The following NTNG2 variants were observed in gnomAD, a reference collection of about 807,000 sequenced individuals.
The protein encoded by NTNG2 is netrin G2.
In NTNG2, 15 loss-of-function variants were observed where a neutral mutation model predicts 47.6. The ratio of observed to expected loss-of-function variants is 0.32; its 90% CI spans 0.21 to 0.49. NTNG2 has a LOEUF of 0.49. Ranked by LOEUF, NTNG2 falls within the 20% of genes least tolerant of loss-of-function variation. NTNG2 has a pLI of 0.99. For synonymous variants in NTNG2, 307 were observed against 324.6 expected (o/e 0.95, Z 0.58); for missense variants, 578 against 764.6 (o/e 0.76, Z 2.88).
chr9:132,220,174 T>A lies in NTNG2; in HGVS notation c.858-6675T>A, dbSNP rs1046320482. Reference sequence around the variant, plus strand: ...GTCTGTGCTGATCCTTTCCTCATTTTAAAAACTGGATTATTTGTCATTTTA... The same window carrying A: ...GTCTGTGCTGATCCTTTCCTCATTTAAAAAACTGGATTATTTGTCATTTTA... On this transcript the variant is annotated intron_variant, in intron 3 of 7. Transcript: ENST00000393229. Among the ~76,000 whole-genome samples the A allele has an allele frequency of 8.5e-4, 129 of 152,262 alleles. 2 individuals are homozygous for A. Among genetic ancestry groups the A allele is most frequent in the Admixed American group, 2.0e-4 (3 of 15,284 alleles).
chr9:132,214,198 C>T (rs1264861704), intron 3 of NTNG2, among the ~76,000 whole-genome samples: 6 of 152,246 alleles, frequency 3.9e-5, no homozygotes, highest in Non-Finnish European at 5.9e-5. Flanking sequence ...GACCTACATT[C>T]CACCCGCCCT....
chr9:132,234,748 C>T (rs549001473), intron 5 of NTNG2, among the ~76,000 whole-genome samples: 21 of 152,396 alleles, frequency 1.4e-4, no homozygotes, highest in African/African-American at 4.6e-4. Context: ...CTGGCTTTCT[C>T]ATGGCTCTAA....
At chr9:132,178,051 G>C (rs909703591) in intron 2 of NTNG2, among the ~76,000 whole-genome samples, 3 of 152,170 alleles carry the variant, frequency 2.0e-5, no homozygotes, top group African/African-American at 7.2e-5. Context: ...TTACTCTCCT[G>C]TTGTGCCCAT....
At position 132,163,076 on chromosome 9, in the gene NTNG2, T is replaced by C. The variant is rs955686056; in HGVS notation, c.-484+837T>C. Among the ~76,000 whole-genome samples the C allele has an allele frequency of 2.0e-5, 3 of 152,134 alleles. No homozygotes were observed. The highest frequency in any genetic ancestry group is 7.2e-5 in the African/African-American group (3 of 41,434). ...CAGTTCCTGGGCGCCCTGCTCTGTG[T>C]CTTTTAATTAAGAGAGGCAGTGCCG... On this transcript the variant is annotated intron_variant, in intron 1 of 7. Coordinates refer to ENST00000393229, the MANE Select transcript of NTNG2 (RefSeq NM_032536.4). This position sits in a 1 kb window ranked among gnomAD's most constrained non-coding sequence, Gnocchi z 7.2.
At chr9:132,195,529 G>T (rs1838237931) in intron 2 of NTNG2, among the ~76,000 whole-genome samples, 1 of 129,612 alleles carries the variant, frequency 7.7e-6, no homozygotes, top group South Asian at 2.4e-4. Context: ...GGGTTTCACT[G>T]TGTTAGCCAG....
At chr9:132,203,979 A>G (rs1029067829) in intron 3 of NTNG2, among the ~76,000 whole-genome samples, 1 of 152,218 alleles carries the variant, frequency 6.6e-6, no homozygotes, top group Non-Finnish European at 1.5e-5. Flanking sequence ...GAGATGATGA[A>G]GGGAGGTCCT....
At chr9:132,189,064 C>CTTTTTTTTTTTTTTTT (rs1179386814) in intron 2 of NTNG2, among the ~76,000 whole-genome samples, 9 of 61,750 alleles carry the variant, frequency 1.5e-4, no homozygotes, top group South Asian at 9.6e-4. Context: ...GGCTTTAAGC[C>CTTTTTTTTTTTTTTTT]TTTCTTTTTT....
At position 132,226,768 on chromosome 9, in the gene NTNG2, G is replaced by T. The variant is rs1271892002; in HGVS notation, c.858-81G>T. ...CCCAACACCCTCCTGGGCCCCTCCT[G>T]GGAGGCGCTCCTTTCCCCAGAGGCC... On this transcript the variant is annotated intron_variant, in intron 3 of 7. Coordinates refer to ENST00000393229, the MANE Select transcript of NTNG2 (RefSeq NM_032536.4). The surrounding 1 kb of genome is among the most constrained non-coding windows in gnomAD (Gnocchi z 4.8). 8 of 1,319,290 alleles carry T rather than the reference G, an allele frequency of 6.1e-6. No homozygotes were observed. In the East Asian group the frequency reaches 1.9e-4, roughly 31 times the overall value. The allele number at this position is 1,319,290 out of a possible 1,614,324, so 81.7% of individuals were successfully genotyped here. A position where few individuals can be genotyped will look rare whatever the true frequency, so the allele number is the denominator to read the frequency against.
At position 132,180,305 on chromosome 9, in the gene NTNG2, C is replaced by G. The variant is rs570581480; in HGVS notation, c.213+13261C>G. ...GAGCCCACGGTGCTCCTGCCCTCCA[C>G]CAAGGCAGGCCATCCTCTGCTGCCA... is the stretch of plus-strand genomic sequence containing the variant. On this transcript the variant is annotated intron_variant, in intron 2 of 7. Transcript: ENST00000393229. The surrounding 1 kb of genome is among the most constrained non-coding windows in gnomAD (Gnocchi z 4.2). 3.9e-5 allele frequency among the ~76,000 whole-genome samples: 6 copies of G among 152,384 alleles called. No homozygotes were observed. In the East Asian group the frequency reaches 1.2e-3, roughly 29 times the overall value.
chr9:132,182,782 C>T lies in NTNG2; in HGVS notation c.214-15184C>T, dbSNP rs1837045275. ...CAAGCCCAGCGGGCAGCTATGACCC[C>T]ACCAGGAGCGGAGCGGGCAGGGACC... On this transcript the variant is annotated intron_variant, in intron 2 of 7. Coordinates refer to ENST00000393229, the MANE Select transcript of NTNG2 (RefSeq NM_032536.4). The surrounding 1 kb of genome is among the most constrained non-coding windows in gnomAD (Gnocchi z 4.2). 6.6e-6 allele frequency among the ~76,000 whole-genome samples: 1 copy of T among 152,226 alleles called. No homozygotes were observed. Among genetic ancestry groups the T allele is most frequent in the Non-Finnish European group, 1.5e-5 (1 of 68,036 alleles).
At chr9:132,193,701 G>A (rs569808131) in intron 2 of NTNG2, among the ~76,000 whole-genome samples, 2 of 152,196 alleles carry the variant, frequency 1.3e-5, no homozygotes, top group African/African-American at 4.8e-5. Flanking sequence ...CATTCCTCCC[G>A]GCCTGTTCCC....
At chr9:132,184,532 A>G (rs990337201) in intron 2 of NTNG2, among the ~76,000 whole-genome samples, 13 of 152,224 alleles carry the variant, frequency 8.5e-5, no homozygotes, top group Non-Finnish European at 1.8e-4. Context: ...ACACCTGCCA[A>G]AGGCTGGAGG....
At chr9:132,230,467 C>A in intron 4 of NTNG2, 105 bp from the exon 5 acceptor site, 1 of 1,020,554 alleles carries the variant, frequency 9.8e-7, no homozygotes, top group Non-Finnish European at 1.5e-6. Flanking sequence ...CTTGAGGGAG[C>A]GACACCTCCA....
chr9:132,214,275 C>T (rs912672332), intron 3 of NTNG2, among the ~76,000 whole-genome samples: 7 of 152,242 alleles, frequency 4.6e-5, no homozygotes, highest in Admixed American at 2.6e-4. Context: ...GCCCCGCTCA[C>T]GATTTTTGTG....
chr9:132,225,391 C>A (rs1840682834), intron 3 of NTNG2, among the ~76,000 whole-genome samples: 1 of 152,150 alleles, frequency 6.6e-6, no homozygotes, highest in South Asian at 2.1e-4. Context: ...CTGCCCTAGC[C>A]TCTTGAGTAG....
chr9:132,235,616 C>T (rs192147659), intron 5 of NTNG2, among the ~76,000 whole-genome samples: 123 of 152,278 alleles, frequency 8.1e-4, no homozygotes, highest in South Asian at 1.7e-3. Context: ...ACCACCCCCT[C>T]GCATAACTTG....
rs145900539 is a variant in NTNG2, at chr9:132,180,687, GGAGAGA to G, written c.213+13650_213+13655del. 6.6e-6 allele frequency among the ~76,000 whole-genome samples: 1 copy of G among 152,138 alleles called. No individual in the cohort carries two copies. The highest frequency in any genetic ancestry group is 1.5e-5 in the Non-Finnish European group (1 of 68,032). On this transcript the variant is annotated intron_variant, in intron 2 of 7. Transcript: ENST00000393229. The surrounding 1 kb of genome is among the most constrained non-coding windows in gnomAD (Gnocchi z 4.2). ...CCCCCAGATTCTGCTTCAGGGAGACGGAGAGAGAGAGAAAGAGAAAGAACGATAGAG... is the reference window on the plus strand; with the variant it reads ...CCCCCAGATTCTGCTTCAGGGAGACGGAGAGAAAGAGAAAGAACGATAGAG...
chr9:132,232,075 C>T (rs990371604), intron 5 of NTNG2: 1 of 152,312 alleles, frequency 6.6e-6, no homozygotes, highest in African/African-American at 2.4e-5. Context: ...GAAGGGCTCC[C>T]AGACCATTGT....
chr9:132,235,675 C>A (rs986676528), intron 5 of NTNG2, among the ~76,000 whole-genome samples: 17 of 152,190 alleles, frequency 1.1e-4, no homozygotes, highest in African/African-American at 4.1e-4. Context: ...TCTACGGCTG[C>A]CCCTCTCTCG....
Sources: allele counts gnomAD v4.1 joint callset (sites outside exome capture counted in the v4.1 genomes callset), GRCh38; gene constraint gnomAD v4.1.1; non-coding constraint Gnocchi (gnomAD v3.1); transcripts MANE v1.5; gene names NCBI Gene and HGNC (gene_info 2026-07-23, HGNC 2026-07-21).